Variants in GAK observed in about 807,000 individuals in gnomAD.
GAK encodes cyclin G associated kinase.
GAK carries 79 observed loss-of-function variants against 143.9 expected under a neutral mutation model. The observed-to-expected ratio is 0.55, with a 90% confidence interval of 0.46 to 0.66. The LOEUF (loss-of-function observed/expected upper bound fraction) is 0.66. GAK is among the 30% of genes least tolerant of loss of function. GAK has a pLI of 0.00. For missense variants in GAK, 1,693 were observed against 1,779.7 expected (o/e 0.95, Z 0.88); for synonymous variants, 881 against 765.5 (o/e 1.15, Z -2.49).
Position 867,111 on chromosome 4 carries a change from C to T in GAK, c.2717G>A (p.Ser906Asn), listed in dbSNP as rs1751334527. The T allele has an allele frequency of 6.3e-7, 1 of 1,575,520 alleles. No homozygotes were observed. The highest frequency in any genetic ancestry group is 1.3e-5 in the African/African-American group (1 of 74,208). The change falls in exon 21 of 28, where the codon AGC becomes AAC. Residue 906 changes from serine (S) to asparagine (N), a missense_variant. This residue lies in a region of GAK where 822 missense variants were observed against 788.7 expected (regional missense o/e 1.04). Coordinates refer to ENST00000314167, the MANE Select transcript of GAK (RefSeq NM_005255.4). ...GAGGCAGCTGAGCAGGTCGGTGTTG[C>T]TGGAGGGGGCCTTGCAGGCCTGCGG... The part of the protein sequence containing the change: ...VPPQACKAPS[S>N]NTDLLSCLLG...
intron 9 of GAK, 25 bp downstream of exon 9, chr4:893,352 T>G (rs772201551): frequency 2.0e-6 from 3 of 1,476,338 alleles, no homozygotes; most frequent in African/African-American, 2.9e-5. Context: ...GCGGGGGATT[T>G]GGGGCTCACG....
At chr4:865,794 C>A (rs916834545) in intron 22 of GAK, among the ~76,000 whole-genome samples, 1 of 152,262 alleles carries the variant, frequency 6.6e-6, no homozygotes, top group Non-Finnish European at 1.5e-5. Flanking sequence ...CTGCTGCCTC[C>A]TCAGGAGAGA....
At chr4:872,073 A>C (rs1031927827) in intron 18 of GAK, among the ~76,000 whole-genome samples, 1 of 152,182 alleles carries the variant, frequency 6.6e-6, no homozygotes, top group Middle Eastern at 3.2e-3. Flanking sequence ...CCGCCGAGGG[A>C]GGGCAGGGAG....
chr4:873,919 T>C (rs1577110185), intron 18 of GAK, among the ~76,000 whole-genome samples: 1 of 152,334 alleles, frequency 6.6e-6, no homozygotes, highest in East Asian at 1.9e-4. Flanking sequence ...AGGGCGTCGG[T>C]CTACCAGCTG....
intron 24 of GAK, among the ~76,000 whole-genome samples, chr4:858,991 C>A (rs905998586): frequency 6.6e-6 from 1 of 152,242 alleles, no homozygotes; most frequent in African/African-American, 2.4e-5. Flanking sequence ...GCAAGGGAGG[C>A]CCCTTCAGAT....
Position 909,285 on chromosome 4 carries a change from C to T in GAK, c.382+2388G>A, listed in dbSNP as rs553452217. Among the ~76,000 whole-genome samples, 9 of 152,406 alleles carry T rather than the reference C, an allele frequency of 5.9e-5. No homozygotes were observed. In the South Asian group the frequency reaches 1.9e-3, roughly 32 times the overall value. ...CTTAATCCCACTGGTTTCAGCACCT[C>T]CCAGCTCTGGAGGAGGCCCTAGAAG... On this transcript the variant is annotated intron_variant, in intron 4 of 27. Coordinates refer to ENST00000314167, the MANE Select transcript of GAK (RefSeq NM_005255.4).
At chr4:884,140 G>C (rs1031654689) in intron 11 of GAK, 54 bp from the exon 12 acceptor site, 4 of 1,518,980 alleles carry the variant, frequency 2.6e-6, no homozygotes, top group Non-Finnish European at 3.7e-6. Flanking sequence ...CCGCAGTTAG[G>C]TCACAGGGCT....
intron 17 of GAK, 53 bp downstream of exon 17, chr4:877,037 C>G: frequency 7.8e-7 from 1 of 1,278,558 alleles, no homozygotes; most frequent in Non-Finnish European, 1.1e-6. Context: ...CCCCAGCCCC[C>G]CATGAGCCTA....
chr4:859,378 G>C, intron 24 of GAK: 1 of 1,481,970 alleles, frequency 6.7e-7, no homozygotes, highest in Non-Finnish European at 9.0e-7. Context: ...GCCGGTGGGG[G>C]CTGGCAGCAG....
intron 17 of GAK, among the ~76,000 whole-genome samples, chr4:876,859 C>G (rs1360558184): frequency 6.6e-6 from 1 of 152,252 alleles, no homozygotes; most frequent in African/African-American, 2.4e-5. Flanking sequence ...AGTGGACCCT[C>G]AAACTCAGTC....
intron 1 of GAK, among the ~76,000 whole-genome samples, chr4:914,563 C>A (rs1722721504): frequency 8.2e-6 from 1 of 122,398 alleles, no homozygotes; most frequent in Admixed American, 8.3e-5. Context: ...GCGTGCACGG[C>A]CCCCCACACA....
At chr4:865,906 C>T (rs184525379) in intron 22 of GAK, among the ~76,000 whole-genome samples, 7 of 152,372 alleles carry the variant, frequency 4.6e-5, no homozygotes, top group East Asian at 1.9e-4. Context: ...TGCTGTGCCC[C>T]GGCGCCTGAC....
chr4:871,705 G>C (rs1712668310), intron 18 of GAK, among the ~76,000 whole-genome samples: 1 of 151,740 alleles, frequency 6.6e-6, no homozygotes, highest in Admixed American at 6.6e-5. Flanking sequence ...TGGGTGGGGA[G>C]CAGGGGCAGG....
At chr4:857,253 A>G (rs1343928782) in intron 24 of GAK, among the ~76,000 whole-genome samples, 1 of 152,178 alleles carries the variant, frequency 6.6e-6, no homozygotes, top group African/African-American at 2.4e-5. Flanking sequence ...GTGTATATTC[A>G]TGGGGAATAT....
Position 904,705 on chromosome 4 carries a change from A to G in GAK, c.457T>C (p.Tyr153His). 1.2e-6 allele frequency: 2 copies of G among 1,613,874 alleles called. No individual in the cohort carries two copies. The highest frequency in any genetic ancestry group is 1.7e-6 in the Non-Finnish European group (2 of 1,179,808). ...LSCDTVLKIF[Y>H]QTCRAVQHMH... ...TGCTGCACGGCGCGGCACGTCTGGT[A>G]GAAGATCTTCAGAACCGTGTCGCAC... Residue 153 changes from tyrosine (Y) to histidine (H), a missense_variant, in exon 5 of 28, where the codon TAC (tyrosine) becomes CAC (histidine). Tyr to His is a moderately conservative substitution (Grantham distance 83, BLOSUM62 2). Coordinates refer to ENST00000314167, the MANE Select transcript of GAK (RefSeq NM_005255.4).
At chr4:890,696 G>T in intron 9 of GAK, 74 bp from the exon 10 acceptor site, 1 of 1,234,066 alleles carries the variant, frequency 8.1e-7, no homozygotes, top group Non-Finnish European at 1.2e-6. Context: ...GCAGAGGTAC[G>T]GTATGGGTGC....
At chr4:867,525 GGGCCTTGGT>G in intron 20 of GAK, 93 bp from the exon 21 acceptor site, 2 of 653,052 alleles carry the variant, frequency 3.1e-6, no homozygotes, top group Non-Finnish European at 5.0e-6. Context: ...CCTCGGCCCA[GGGCCTTGGT>G]GAACACACGT....
chr4:872,949 G>A lies in GAK; in HGVS notation c.2055-2045C>T, dbSNP rs541763007. ...CCCAGGCACGGCGCAGGCTCACCACGCAGGGAACACGCCTCTCGCCCAGGC... is the reference window on the plus strand; with the variant it reads ...CCCAGGCACGGCGCAGGCTCACCACACAGGGAACACGCCTCTCGCCCAGGC... On this transcript the variant is annotated intron_variant, in intron 18 of 27. Transcript: ENST00000314167. 5.7e-3 allele frequency among the ~76,000 whole-genome samples: 858 copies of A among 151,734 alleles called. 8 individuals are homozygous for A. The highest frequency in any genetic ancestry group is 0.02 in the African/African-American group (809 of 41,374).
rs187815529 is a variant in GAK at position 903,917 on chromosome 4, G to A, written c.525+720C>T. 3.1e-4 allele frequency among the ~76,000 whole-genome samples: 47 copies of A among 152,362 alleles called. 2 individuals carry two copies. Among genetic ancestry groups the A allele is most frequent in the African/African-American group, 1.1e-3 (44 of 41,590 alleles). ...CCCAGCAGGGAGGCGGGGCCATCCC[G>A]GGATCTCTGTCGGCAAAGGCCTGTG... On this transcript the variant is annotated intron_variant, in intron 5 of 27. Coordinates refer to ENST00000314167, the MANE Select transcript of GAK (RefSeq NM_005255.4).
Sources: gnomAD v4.1 joint callset for allele counts (sites outside exome capture counted in the v4.1 genomes callset) on GRCh38, gnomAD v4.1.1 for gene constraint, gnomAD v4.1.1 regional missense constraint, MANE v1.5 for transcripts, NCBI Gene and HGNC (gene_info 2026-07-23, HGNC 2026-07-21) for gene names.